Variants in CDH23 observed in about 807,000 individuals in gnomAD.
CDH23 encodes cadherin related 23.
A neutral mutation model predicts 317.1 loss-of-function variants in CDH23; 189 were observed. The observed-to-expected ratio is 0.60, with a 90% confidence interval of 0.53 to 0.67. The LOEUF is 0.67. Among genes scored for constraint, CDH23 ranks in the 30% least tolerant of loss-of-function variants. The probability of loss-of-function intolerance (pLI) is 0.00; values close to 1 mark genes in which losing one functional copy is unlikely to be tolerated. For missense variants in CDH23, 4,401 were observed against 4,592.4 expected, an observed-to-expected ratio of 0.96 and a Z score of 1.20; for synonymous variants, 1,839 against 1,876.8, an observed-to-expected ratio of 0.98 and a Z score of 0.52.
intron 1 of CDH23, among the ~76,000 whole-genome samples, chr10:71,432,243 T>C (rs1283525201): frequency 2.6e-5 from 4 of 151,958 alleles, no homozygotes; most frequent in Non-Finnish European, 5.9e-5. Flanking sequence ...AATGTGTGTG[T>C]GTGCATGTGT....
At chr10:71,411,474 T>C (rs188138459) in intron 1 of CDH23, among the ~76,000 whole-genome samples, 54 of 152,270 alleles carry the variant, frequency 3.5e-4, no homozygotes, top group Non-Finnish European at 1.3e-4. Flanking sequence ...TACACAACCA[T>C]TGTTAAATTT....
chr10:71,403,314 T>C (rs541003046), intron 1 of CDH23, among the ~76,000 whole-genome samples: 1,646 of 102,706 alleles, frequency 0.016, 54 homozygotes, highest in African/African-American at 0.11. Flanking sequence ...TCTTTCTCTT[T>C]CTTCCTTCCT....
intron 6 of CDH23, among the ~76,000 whole-genome samples, chr10:71,533,765 C>G (rs2132268697): frequency 6.6e-6 from 1 of 152,140 alleles, no homozygotes; most frequent in African/African-American, 2.4e-5. Flanking sequence ...TGGGAGGGGT[C>G]TCTGGTGGCT....
chr10:71,481,895 A>T, intron 3 of CDH23, among the ~76,000 whole-genome samples: 1 of 152,150 alleles, frequency 6.6e-6, no homozygotes, highest in East Asian at 1.9e-4. Flanking sequence ...CTGCCAGCCC[A>T]CAGCAGCGGG....
intron 6 of CDH23, among the ~76,000 whole-genome samples, chr10:71,520,033 T>G (rs1374008729): frequency 3.9e-5 from 6 of 152,210 alleles, no homozygotes; most frequent in African/African-American, 7.2e-5. Context: ...GCCTCAAACT[T>G]CTGGGTCCAG....
chr10:71,754,990 T>C (rs1840095969), intron 38 of CDH23: 1 of 434,146 alleles, frequency 2.3e-6, no homozygotes, highest in Non-Finnish European at 4.7e-6. Context: ...CAATTGCTAC[T>C]AATTACAAAA....
rs769960085 is a variant in CDH23, at chr10:71,751,687, G to A, written c.4845+9766G>A. The A allele has an allele frequency of 7.4e-5, 114 of 1,541,394 alleles. 1 individual carries two copies. Among genetic ancestry groups the A allele is most frequent in the South Asian group, 3.4e-4 (27 of 79,890 alleles). On this transcript the variant is annotated intron_variant, in intron 38 of 69. Transcript: ENST00000224721. The surrounding 1 kb of genome is among the most constrained non-coding windows in gnomAD (Gnocchi z 4.9). ...ACTTACCCAGGGATGGGAAGAAGAC[G>A]TCTCCGGGGCCTGGAGGAGACAGGG...
At chr10:71,539,601 A>T (rs1855883337) in intron 6 of CDH23, among the ~76,000 whole-genome samples, 1 of 152,020 alleles carries the variant, frequency 6.6e-6, no homozygotes, top group Non-Finnish European at 1.5e-5. Flanking sequence ...CTGTCTCCTG[A>T]GGGCTGCATT....
chr10:71,428,229 C>T (rs1362611535), intron 1 of CDH23, among the ~76,000 whole-genome samples: 1 of 150,856 alleles, frequency 6.6e-6, no homozygotes, highest in Non-Finnish European at 1.5e-5. Flanking sequence ...CCTCCGCCTC[C>T]TGGGTTCAAG....
At chr10:71,678,536 G>C (rs1487054624) in intron 16 of CDH23, among the ~76,000 whole-genome samples, 2 of 152,210 alleles carry the variant, frequency 1.3e-5, no homozygotes, top group Admixed American at 6.5e-5. Context: ...AGCAGGTAGG[G>C]ATGAAGGCAA....
At position 71,741,894 on chromosome 10, in the gene CDH23, G is replaced by A. The variant is rs1589390078; in HGVS notation, c.4818G>A (p.Val1606=). 6.2e-7 allele frequency: 1 copy of A among 1,606,096 alleles called. No homozygotes were observed. The highest frequency in any genetic ancestry group is 8.5e-7 in the Non-Finnish European group (1 of 1,176,554). ...RQSFYHLVAT[V]EDEGTPTLSA... is the part of the protein sequence containing the mutation. ...GCTTCTACCACCTGGTGGCCACTGT[G>A]GAGGACGAGGGCACCCCAACCCTGT... The change falls in exon 38 of 70, where the codon GTG becomes GTA. Residue 1606 remains valine, a synonymous_variant. Coordinates refer to ENST00000224721, the MANE Select transcript of CDH23 (RefSeq NM_022124.6).
intron 30 of CDH23, 139 bp downstream of exon 30, chr10:71,725,659 G>A: frequency 1.9e-6 from 2 of 1,052,726 alleles, no homozygotes; most frequent in Non-Finnish European, 2.7e-6. Flanking sequence ...TGGGCCTAAG[G>A]GTTCGGTGAC....
chr10:71,779,676 T>C (rs1840904206), intron 41 of CDH23, among the ~76,000 whole-genome samples: 1 of 152,250 alleles, frequency 6.6e-6, no homozygotes, highest in Non-Finnish European at 1.5e-5. Context: ...GCTGGTGGCC[T>C]TGGAGGGACA....
intron 9 of CDH23, among the ~76,000 whole-genome samples, chr10:71,586,297 C>T (rs1463111092): frequency 6.6e-6 from 1 of 152,134 alleles, no homozygotes; most frequent in Non-Finnish European, 1.5e-5. Flanking sequence ...CTGCTTTTTC[C>T]TCAATCTGTA....
chr10:71,684,201 A>G (rs1864778717), intron 18 of CDH23, among the ~76,000 whole-genome samples: 1 of 151,576 alleles, frequency 6.6e-6, no homozygotes, highest in African/African-American at 2.4e-5. Context: ...AGTCATGACC[A>G]TGGACTGGCA....
At chr10:71,746,005 T>C (rs886668282) in intron 38 of CDH23, among the ~76,000 whole-genome samples, 1 of 152,248 alleles carries the variant, frequency 6.6e-6, no homozygotes, top group Non-Finnish European at 1.5e-5. Context: ...GACAAGGGCA[T>C]GAAAGATTCA....
chr10:71,743,151 GACTC>G (rs1839779678), intron 38 of CDH23, among the ~76,000 whole-genome samples: 9 of 152,230 alleles, frequency 5.9e-5, no homozygotes, highest in African/African-American at 2.2e-4. Context: ...GGCCAGCCCA[GACTC>G]AAGCTATGGG....
chr10:71,657,969 G>A (rs1278274008), intron 14 of CDH23, among the ~76,000 whole-genome samples: 2 of 152,142 alleles, frequency 1.3e-5, no homozygotes, highest in East Asian at 1.9e-4. Context: ...TTCCAGCCCT[G>A]CCCCCAGGCT....
At chr10:71,783,961 C>T (rs1841026501) in intron 41 of CDH23, among the ~76,000 whole-genome samples, 1 of 152,182 alleles carries the variant, frequency 6.6e-6, no homozygotes, top group African/African-American at 2.4e-5. Flanking sequence ...CAAGAAGCCC[C>T]CACTTTTTCA....
Sources: gnomAD v4.1 joint callset for allele counts (sites outside exome capture counted in the v4.1 genomes callset) on GRCh38, gnomAD v4.1.1 for gene constraint, Gnocchi (gnomAD v3.1) non-coding constraint, MANE v1.5 for transcripts, NCBI Gene and HGNC (gene_info 2026-07-23, HGNC 2026-07-21) for gene names.